The following LMF1 variants were observed in gnomAD, a reference collection of about 807,000 sequenced individuals.
LMF1 encodes the protein transmembrane protein 112.
Under a neutral mutation model 60.6 loss-of-function variants are expected in LMF1, and 68 were observed. The observed-to-expected ratio is 1.12, with a 90% CI of 0.92 to 1.37. LMF1 has a LOEUF of 1.37. LMF1 is among the 40% of genes most tolerant of loss of function. LMF1 has a pLI of 0.00. For synonymous variants in LMF1, 418 were observed against 324.7 expected, an observed-to-expected ratio of 1.29 and a Z score of -3.09; for missense variants, 948 against 767.2, an observed-to-expected ratio of 1.24 and a Z score of -2.78.
intron 5 of LMF1, among the ~76,000 whole-genome samples, chr16:881,925 G>A (rs553900444): frequency 7.9e-5 from 12 of 152,298 alleles, no homozygotes; most frequent in South Asian, 6.2e-4. Context: ...GGAGGGGAGC[G>A]GGGGCTGCTT....
At chr16:943,435 C>G (rs986999798) in intron 2 of LMF1, among the ~76,000 whole-genome samples, 5 of 150,282 alleles carry the variant, frequency 3.3e-5, no homozygotes, top group Non-Finnish European at 7.4e-5. Context: ...TTCATTAAGA[C>G]CACTACTAGG....
At chr16:862,688 T>C (rs1640494139) in intron 10 of LMF1, among the ~76,000 whole-genome samples, 1 of 151,822 alleles carries the variant, frequency 6.6e-6, no homozygotes, top group African/African-American at 2.4e-5. Flanking sequence ...CAAGATCCTG[T>C]CTCTACAAAA....
At chr16:895,498 C>T (rs368484147) in intron 4 of LMF1, among the ~76,000 whole-genome samples, 9 of 152,208 alleles carry the variant, frequency 5.9e-5, no homozygotes, top group Admixed American at 2.0e-4. Flanking sequence ...CGGGAGCCGC[C>T]GGGTTCTCTG....
intron 2 of LMF1, among the ~76,000 whole-genome samples, chr16:952,308 A>AC (rs3884217): frequency 0.3 from 44,188 of 146,800 alleles, 7,873 homozygotes; most frequent in African/African-American, 0.5. Flanking sequence ...CAAAGTGGGG[A>AC]CCCCCCCCCA....
At chr16:888,570 G>A (rs2070379779) in intron 5 of LMF1, among the ~76,000 whole-genome samples, 1 of 152,230 alleles carries the variant, frequency 6.6e-6, no homozygotes, top group Non-Finnish European at 1.5e-5. Flanking sequence ...AAAAGCAGCT[G>A]CGTGACCCCC....
At chr16:923,171 T>A (rs2071491940) in intron 3 of LMF1, among the ~76,000 whole-genome samples, 2 of 152,236 alleles carry the variant, frequency 1.3e-5, no homozygotes, top group South Asian at 2.1e-4. Context: ...TCTTCAGGTG[T>A]ACGAGGAGGC....
intron 1 of LMF1, among the ~76,000 whole-genome samples, chr16:957,996 CAA>C (rs1048296403): frequency 6.6e-6 from 1 of 152,092 alleles, no homozygotes; most frequent in African/African-American, 2.4e-5. Context: ...AATAAAAAAA[CAA>C]AGAAGAGTCT....
chr16:901,683 G>A (rs527900919), intron 4 of LMF1: 1 of 152,300 alleles, frequency 6.6e-6, no homozygotes, highest in East Asian at 1.9e-4. Flanking sequence ...CCGTCTGTGC[G>A]TGCAGCCCCG....
chr16:890,262 G>T (rs538850568), intron 5 of LMF1, among the ~76,000 whole-genome samples: 1 of 152,210 alleles, frequency 6.6e-6, no homozygotes, highest in Non-Finnish European at 1.5e-5. Context: ...GCTACTCCAG[G>T]TACTCGCTCC....
intron 6 of LMF1, chr16:872,472 T>G (rs2069827461): frequency 6.6e-6 from 1 of 152,284 alleles, no homozygotes; most frequent in African/African-American, 2.4e-5. Context: ...AAAACAGTTA[T>G]TTCTTATTCT....
At chr16:889,927 T>A (rs894911480) in intron 5 of LMF1, among the ~76,000 whole-genome samples, 2 of 152,212 alleles carry the variant, frequency 1.3e-5, no homozygotes, top group Admixed American at 6.5e-5. Flanking sequence ...AGGACCCCTC[T>A]GCCTCATGGC....
intron 1 of LMF1, among the ~76,000 whole-genome samples, chr16:963,495 G>A (rs917103400): frequency 1.1e-4 from 16 of 152,210 alleles, no homozygotes; most frequent in South Asian, 2.1e-4. Context: ...CTCTGTACAC[G>A]TGTGCACATG....
At position 854,700 on chromosome 16, in the gene LMF1, G is replaced by A; in HGVS notation, c.1536C>T (p.Val512=). ...PFAGRPPPRW[V]RGEHYRYKFS... The stretch of plus-strand genomic sequence containing the variant: ...ACTTGTACCTGTAGTGCTCTCCTCG[G>A]ACCCACCTGCAAGGGGGCACATGTC... The change falls in exon 11 of 11, where the codon GTC becomes GTT. Residue 512 remains valine, a synonymous_variant. Transcript: ENST00000262301. 6.3e-7 allele frequency: 1 copy of A among 1,589,304 alleles called. No homozygotes were observed. Among genetic ancestry groups the A allele is most frequent in the Non-Finnish European group, 8.5e-7 (1 of 1,173,048 alleles).
chr16:935,253 T>C (rs1210746363), intron 2 of LMF1, among the ~76,000 whole-genome samples: 2 of 152,050 alleles, frequency 1.3e-5, no homozygotes, highest in African/African-American at 4.8e-5. Flanking sequence ...GTGTACACCA[T>C]GATGCCCCAC....
chr16:854,621 T>G lies in LMF1; in HGVS notation c.1615A>C (p.Arg539=), dbSNP rs1449404892. 1.2e-6 allele frequency: 2 copies of G among 1,607,326 alleles called. No individual in the cohort carries two copies. The highest frequency in any genetic ancestry group is 1.1e-5 in the South Asian group (1 of 90,124). The stretch of plus-strand genomic sequence containing the variant: ...AGCGGAGGGAAGTAGGCTCCGATCC[T>G]CTTCCGCACCCACCACTTGCCCTCG... ...AAEGKWWVRK[R]IGAYFPPLSL... Residue 539 remains arginine (R), a synonymous_variant, in exon 11 of 11, where the codon AGG becomes CGG. Transcript: ENST00000262301.
rs867893037 is a variant in LMF1 at position 865,374 on chromosome 16, T to G, written c.1529+3570A>C. Among the ~76,000 whole-genome samples the G allele has an allele frequency of 3.9e-5, 6 of 152,182 alleles. 1 individual carries two copies. The highest frequency in any genetic ancestry group is 8.8e-5 in the Non-Finnish European group (6 of 68,032). ...TGTCTTTTCTTTTTTCTTTTGAGAT[T>G]GAGTCTCGCTCTGTTGCCCAGGCTG... On this transcript the variant is annotated intron_variant, in intron 10 of 10. Transcript: ENST00000262301.
intron 10 of LMF1, among the ~76,000 whole-genome samples, chr16:861,212 C>T (rs1417889119): frequency 6.6e-6 from 1 of 152,054 alleles, no homozygotes; most frequent in Non-Finnish European, 1.5e-5. Flanking sequence ...AAGTATTTCG[C>T]TTTTTGGAGT....
At chr16:943,101 G>A (rs146236523) in intron 2 of LMF1, among the ~76,000 whole-genome samples, 11,749 of 152,188 alleles carry the variant, frequency 0.077, 510 homozygotes, top group South Asian at 0.15. Flanking sequence ...GCCGGGCACG[G>A]TGGCTCACGC....
intron 3 of LMF1, among the ~76,000 whole-genome samples, chr16:919,426 T>C (rs762832215): frequency 2.6e-5 from 4 of 151,962 alleles, no homozygotes; most frequent in Non-Finnish European, 4.4e-5. Flanking sequence ...CTGCCCCACC[T>C]TCATCACTGC....
Sources: gnomAD v4.1 joint callset for allele counts (sites outside exome capture counted in the v4.1 genomes callset) on GRCh38, gnomAD v4.1.1 for gene constraint, MANE v1.5 for transcripts, NCBI Gene and HGNC (gene_info 2026-07-23, HGNC 2026-07-21) for gene names.